Variants in KLHL5 observed in about 807,000 individuals in gnomAD.
The protein encoded by KLHL5 is kelch-like protein 5.
In KLHL5, 48 loss-of-function variants were observed where a neutral mutation model predicts 77.7. The observed-to-expected ratio is 0.62, with a 90% CI of 0.49 to 0.79. The LOEUF is 0.79. Ranked by LOEUF, KLHL5 falls within the 30% of genes least tolerant of loss-of-function variation. KLHL5 has a pLI of 0.00. For synonymous variants in KLHL5, 260 were observed against 297.0 expected (o/e 0.88, Z 1.28); for missense variants, 723 against 859.7 (o/e 0.84, Z 1.99).
intron 1 of KLHL5, chr4:39,063,443 TTTTAA>T (rs796114117): frequency 4.9e-5 from 14 of 285,230 alleles, no homozygotes; most frequent in African/African-American, 2.8e-4. Context: ...TAGAGTCATT[TTTTAA>T]TTTAATGAAA....
At chr4:39,079,349 G>A (rs554909488) in intron 2 of KLHL5, among the ~76,000 whole-genome samples, 1 of 152,282 alleles carries the variant, frequency 6.6e-6, no homozygotes, top group South Asian at 2.1e-4. Context: ...GAAAGTACAT[G>A]CAATGGCGTA....
chr4:39,095,532 A>G (rs1307859305), intron 5 of KLHL5, among the ~76,000 whole-genome samples: 1 of 152,044 alleles, frequency 6.6e-6, no homozygotes, highest in Admixed American at 6.6e-5. Flanking sequence ...ATAAAGGTAA[A>G]AATTAATACA....
chr4:39,122,601 G>T lies in KLHL5; in HGVS notation c.*1535G>T, dbSNP rs970062809. 3.9e-5 allele frequency among the ~76,000 whole-genome samples: 6 copies of T among 151,902 alleles called. No homozygotes were observed. Among genetic ancestry groups the T allele is most frequent in the Non-Finnish European group, 7.4e-5 (5 of 67,972 alleles). ...TGGGCGGATCACGAGGTCAGGAGAT[G>T]GAGACCATCCTGGCTAACACAGTGA... On this transcript the variant is annotated 3_prime_UTR_variant, in exon 11 of 11. Coordinates refer to ENST00000504108, the MANE Select transcript of KLHL5 (RefSeq NM_015990.5).
the KLHL5 span, among the ~76,000 whole-genome samples, chr4:39,136,672 G>A: frequency 8.9e-4 from 136 of 152,280 alleles, 1 homozygote; most frequent in African/African-American, 3.0e-3. Context: ...AGCCTGGCCC[G>A]GACTGTCAGA....
intron 10 of KLHL5, among the ~76,000 whole-genome samples, chr4:39,116,746 A>C (rs1184125845): frequency 6.6e-6 from 1 of 152,152 alleles, no homozygotes; most frequent in Non-Finnish European, 1.5e-5. Context: ...CTGTGAGACC[A>C]AAGTGGGAGG....
chr4:39,075,630 G>A (rs140525419), intron 1 of KLHL5, among the ~76,000 whole-genome samples: 2,424 of 152,086 alleles, frequency 0.016, 22 homozygotes, highest in South Asian at 0.028. Flanking sequence ...TAAATATAAC[G>A]TTAGGAGATG....
chr4:39,117,359 A>G (rs1002294933), intron 10 of KLHL5, among the ~76,000 whole-genome samples: 1 of 152,168 alleles, frequency 6.6e-6, no homozygotes, highest in Non-Finnish European at 1.5e-5. Context: ...AGGCCAAGCT[A>G]AAGAGTTTGG....
At chr4:39,103,702 T>A (rs1320548810) in intron 7 of KLHL5, among the ~76,000 whole-genome samples, 191 bp downstream of exon 7, 2 of 152,138 alleles carry the variant, frequency 1.3e-5, no homozygotes, top group Non-Finnish European at 2.9e-5. Context: ...GGCTCATGCC[T>A]ATAATCCCAG....
chr4:39,101,601 A>T (rs1006004893), intron 6 of KLHL5, among the ~76,000 whole-genome samples: 3 of 152,088 alleles, frequency 2.0e-5, no homozygotes, highest in Admixed American at 6.5e-5. Flanking sequence ...TAATCCCAGC[A>T]CTTTGGGAGG....
At chr4:39,048,176 TG>T (rs1264819565) in intron 1 of KLHL5, among the ~76,000 whole-genome samples, 1 of 152,190 alleles carries the variant, frequency 6.6e-6, no homozygotes. Flanking sequence ...CCTATCCAAA[TG>T]TATTTGGTTC....
chr4:39,107,945 T>C (rs1485860087), intron 8 of KLHL5, among the ~76,000 whole-genome samples: 2 of 151,752 alleles, frequency 1.3e-5, no homozygotes, highest in Admixed American at 1.3e-4. Flanking sequence ...TTTTTAGTTA[T>C]CATTTTGAGT....
Position 39,086,671 on chromosome 4 carries a change from C to CGG in KLHL5, c.1058_1059dup (p.Lys354GlyfsTer4). On this transcript the variant is annotated frameshift_variant, in exon 5 of 11. Coordinates refer to ENST00000504108, the MANE Select transcript of KLHL5 (RefSeq NM_015990.5). LOFTEE classifies it high-confidence loss of function. Reference sequence around the variant, plus strand: ...GGTCCGTCATGATTTGGAACAGAGACGGAAAGATCTAAGTAAACTTTTGGC... The same window carrying CGG: ...GGTCCGTCATGATTTGGAACAGAGACGGGGAAAGATCTAAGTAAACTTTTGGC... 6.2e-7 allele frequency: 1 copy of CGG among 1,613,898 alleles called. No individual in the cohort carries two copies. The highest frequency in any genetic ancestry group is 8.5e-7 in the Non-Finnish European group (1 of 1,179,920).
chr4:39,090,889 AC>A (rs573840091), intron 5 of KLHL5, among the ~76,000 whole-genome samples: 1 of 149,960 alleles, frequency 6.7e-6, no homozygotes, highest in African/African-American at 2.5e-5. Flanking sequence ...TGCAGCCTCA[AC>A]CTCCTAGGCC....
chr4:39,095,880 A>G (rs908788286), intron 5 of KLHL5, among the ~76,000 whole-genome samples: 1 of 151,734 alleles, frequency 6.6e-6, no homozygotes, highest in Non-Finnish European at 1.5e-5. Flanking sequence ...ATATTTATAT[A>G]TGTTATACAT....
chr4:39,115,241 G>A lies in KLHL5; in HGVS notation c.1984G>A (p.Asp662Asn). The A allele has an allele frequency of 1.9e-6, 3 of 1,614,050 alleles. No individual in the cohort carries two copies. Among genetic ancestry groups the A allele is most frequent in the Non-Finnish European group, 2.5e-6 (3 of 1,179,968 alleles). Residue 662 changes from aspartate to asparagine, a missense_variant, in exon 10 of 11, where the codon GAT becomes AAT. Coordinates refer to ENST00000504108, the MANE Select transcript of KLHL5 (RefSeq NM_015990.5). ...RDAVGVCLLG[D>N]KLYAVGGYDG... ...TGCAGTGGGGGTCTGTTTACTTGGTGATAAGTTATATGCTGTTGGGGGGTA... is the reference window on the plus strand; with the variant it reads ...TGCAGTGGGGGTCTGTTTACTTGGTAATAAGTTATATGCTGTTGGGGGGTA...
downstream of KLHL5, among the ~76,000 whole-genome samples, chr4:39,126,404 G>GGA (rs139141055): frequency 4.1e-4 from 63 of 152,254 alleles, 1 homozygote; most frequent in African/African-American, 1.4e-3. Context: ...CTGAGATGTA[G>GGA]GAGAGTACCG....
At chr4:39,101,144 A>ATATATATATC (rs1560432495) in intron 6 of KLHL5, among the ~76,000 whole-genome samples, 1 of 148,160 alleles carries the variant, frequency 6.7e-6, no homozygotes, top group Admixed American at 6.7e-5. Flanking sequence ...ATATATATAT[A>ATATATATATC]TATCTACCTG....
chr4:39,086,594 A>G lies in KLHL5; in HGVS notation c.980A>G (p.Asp327Gly). ...GAAATTGCAAAGCTCTTGGCTAGTG[A>G]TGACATGAACATTCCTAATGAGGAG... is the stretch of plus-strand genomic sequence containing the variant. ...ASEIAKLLAS[D>G]DMNIPNEETI... Residue 327 changes from aspartate (D) to glycine (G), a missense_variant, in exon 5 of 11, where the codon GAT becomes GGT. By Grantham distance (94) the Asp-to-Gly change is moderately conservative. This residue lies in a region of KLHL5 where 288 missense variants were observed against 400.3 expected (regional missense o/e 0.72). Coordinates refer to ENST00000504108, the MANE Select transcript of KLHL5 (RefSeq NM_015990.5). 1 of 1,613,984 alleles carries G rather than the reference A, an allele frequency of 6.2e-7. No individual in the cohort carries two copies. Among genetic ancestry groups the G allele is most frequent in the South Asian group, 1.1e-5 (1 of 91,074 alleles).
chr4:39,107,694 C>A lies in KLHL5; in HGVS notation c.1651C>A (p.Pro551Thr), dbSNP rs769037704. The change falls in exon 8 of 11, where the codon CCT becomes ACT. Residue 551 changes from proline to threonine, a missense_variant. Physicochemically the swap from Pro to Thr is conservative, Grantham distance 38. This residue lies in a region of KLHL5 where 214 missense variants were observed against 237.4 expected (regional missense o/e 0.90). Transcript: ENST00000504108. ...GAATTTTGTTGCCACTATGTCTACC[C>A]CTAGGAGTACAGTAGGTGTGGCAGT... ...QWNFVATMST[P>T]RSTVGVAVLS... The A allele has an allele frequency of 2.5e-6, 4 of 1,611,740 alleles. No homozygotes were observed. The African/African-American group carries it at 5.3e-5, about 22-fold the overall frequency.
Sources: gnomAD v4.1 joint callset for allele counts (sites outside exome capture counted in the v4.1 genomes callset) on GRCh38, gnomAD v4.1.1 for gene constraint, gnomAD v4.1.1 regional missense constraint, MANE v1.5 for transcripts, NCBI Gene and HGNC (gene_info 2026-07-23, HGNC 2026-07-21) for gene names.